The following GRIK1 variants were observed in gnomAD, a reference collection of about 807,000 sequenced individuals.
GRIK1 encodes the protein glutamate ionotropic receptor kainate type subunit 1.
GRIK1 carries 69 observed loss-of-function variants against 105.7 expected under a neutral mutation model. The ratio of observed to expected loss-of-function variants is 0.65; its 90% CI spans 0.54 to 0.80. GRIK1 has a LOEUF of 0.80. Among genes scored for constraint, GRIK1 ranks in the 30% least tolerant of loss-of-function variants. GRIK1 has a pLI of 0.00. For synonymous variants in GRIK1, 438 were observed against 431.3 expected (o/e 1.02, Z -0.19); for missense variants, 1,109 against 1,167.3 (o/e 0.95, Z 0.73).
chr21:29,894,096 T>C (rs575796307), intron 1 of GRIK1, among the ~76,000 whole-genome samples: 1 of 151,996 alleles, frequency 6.6e-6, no homozygotes, highest in Non-Finnish European at 1.5e-5. Flanking sequence ...AGTCACAAAG[T>C]GGATTGATGA....
At chr21:29,616,910 A>G (rs1173246126) in intron 7 of GRIK1, among the ~76,000 whole-genome samples, 1 of 152,242 alleles carries the variant, frequency 6.6e-6, no homozygotes, top group African/African-American at 2.4e-5. Context: ...TTTCAATAAC[A>G]TTACAGTTCA....
chr21:29,677,485 C>T (rs554820339), intron 3 of GRIK1, among the ~76,000 whole-genome samples: 9 of 151,914 alleles, frequency 5.9e-5, no homozygotes, highest in Admixed American at 4.6e-4. Flanking sequence ...TTGCTTTGGC[C>T]GCCTGTCTAC....
intron 3 of GRIK1, among the ~76,000 whole-genome samples, chr21:29,680,520 T>C (rs1568967876): frequency 1.3e-5 from 2 of 152,262 alleles, no homozygotes; most frequent in African/African-American, 4.8e-5. Context: ...ACTCCTACTA[T>C]TCTTCAAGAG....
chr21:29,720,467 T>C (rs2064291460), intron 1 of GRIK1, among the ~76,000 whole-genome samples: 1 of 152,112 alleles, frequency 6.6e-6, no homozygotes, highest in Admixed American at 6.5e-5. Context: ...AGTTAAGTGA[T>C]AGAGCAACCA....
intron 16 of GRIK1, among the ~76,000 whole-genome samples, chr21:29,539,064 CAT>C (rs952281690): frequency 4.6e-5 from 7 of 151,872 alleles, no homozygotes; most frequent in Non-Finnish European, 1.0e-4. Context: ...AATACAGAAA[CAT>C]AAAAACTCAT....
intron 3 of GRIK1, among the ~76,000 whole-genome samples, chr21:29,679,539 C>G (rs981325646): frequency 2.0e-5 from 3 of 152,162 alleles, no homozygotes; most frequent in African/African-American, 7.2e-5. Context: ...TGTTCTTACC[C>G]TTATTCAGAT....
intron 1 of GRIK1, among the ~76,000 whole-genome samples, chr21:29,740,335 A>T (rs1163748799): frequency 6.6e-6 from 1 of 151,584 alleles, no homozygotes; most frequent in African/African-American, 2.4e-5. Context: ...CTTCTGCCTC[A>T]GCCTCCCGAG....
At chr21:29,917,929 C>A (rs1199193814) in intron 1 of GRIK1, among the ~76,000 whole-genome samples, 1 of 151,930 alleles carries the variant, frequency 6.6e-6, no homozygotes, top group Non-Finnish European at 1.5e-5. Context: ...TATATGATTT[C>A]TTTAAAACAC....
intron 1 of GRIK1, among the ~76,000 whole-genome samples, chr21:29,698,997 T>G (rs143747009): frequency 2.6e-5 from 4 of 152,348 alleles, no homozygotes; most frequent in African/African-American, 9.6e-5. Flanking sequence ...TTGTCCTGAT[T>G]GCTCCCACTG....
At chr21:29,739,273 G>A (rs2064869029) in intron 1 of GRIK1, among the ~76,000 whole-genome samples, 1 of 152,190 alleles carries the variant, frequency 6.6e-6, no homozygotes, top group Non-Finnish European at 1.5e-5. Context: ...AGATCTGAAT[G>A]TGATGAGAAA....
At chr21:29,615,194 G>A (rs2061820581) in intron 7 of GRIK1, among the ~76,000 whole-genome samples, 2 of 151,656 alleles carry the variant, frequency 1.3e-5, no homozygotes, top group South Asian at 4.1e-4. Flanking sequence ...CCACATCATA[G>A]CAGTCTTGTA....
intron 1 of GRIK1, among the ~76,000 whole-genome samples, chr21:29,934,402 T>G (rs540824967): frequency 1.3e-5 from 2 of 152,310 alleles, no homozygotes; most frequent in Non-Finnish European, 2.9e-5. Context: ...ATGTTAACGT[T>G]AGTCAGGCAC....
chr21:29,658,626 A>G (rs2062901898), intron 4 of GRIK1, among the ~76,000 whole-genome samples: 1 of 152,220 alleles, frequency 6.6e-6, no homozygotes, highest in Admixed American at 6.5e-5. Context: ...ATTGACTTAG[A>G]TTGACAGTTA....
chr21:29,883,088 T>C (rs1437451304), intron 1 of GRIK1, among the ~76,000 whole-genome samples: 1 of 152,062 alleles, frequency 6.6e-6, no homozygotes, highest in Non-Finnish European at 1.5e-5. Context: ...AGGGACTCAA[T>C]CCAATACTAA....
At chr21:29,560,367 TCCTTCCTTC>T (rs1568813683) in intron 15 of GRIK1, among the ~76,000 whole-genome samples, 69 of 27,902 alleles carry the variant, frequency 2.5e-3, no homozygotes, top group Middle Eastern at 0.015. Context: ...TTTTCTTTCT[TCCTTCCTTC>T]CTTCCTTCCT....
intron 1 of GRIK1, among the ~76,000 whole-genome samples, chr21:29,898,031 G>C (rs915247762): frequency 1.3e-5 from 2 of 152,172 alleles, no homozygotes; most frequent in African/African-American, 4.8e-5. Context: ...ACCAGGCCGA[G>C]TTAAATTTCA....
intron 1 of GRIK1, 70 bp downstream of exon 1, chr21:29,939,313 G>C: frequency 2.2e-6 from 2 of 925,810 alleles, no homozygotes; most frequent in South Asian, 2.9e-5. Context: ...CCTCGCCCGG[G>C]ACCCGCTACA....
At chr21:29,810,538 T>A (rs1340955694) in intron 1 of GRIK1, among the ~76,000 whole-genome samples, 2 of 152,102 alleles carry the variant, frequency 1.3e-5, no homozygotes, top group Non-Finnish European at 2.9e-5. Context: ...TAGTTCCCAT[T>A]TTCCTTCTTT....
In GRIK1 at chr21:29,587,490, A is replaced by G. The variant is rs764995760; in HGVS notation, c.1669T>C (p.Tyr557His). The G allele has an allele frequency of 6.2e-7, 1 of 1,612,712 alleles. No individual in the cohort carries two copies. Among genetic ancestry groups the G allele is most frequent in the African/African-American group, 1.3e-5 (1 of 75,030 alleles). The change falls in exon 12 of 18, where the codon TAC becomes CAC. Residue 557 changes from tyrosine to histidine, a missense_variant. By Grantham distance (83) the Tyr-to-His change is moderately conservative. Transcript: ENST00000327783. ...PFMTLGISILYRKPNGTNPGV... is the reference protein window; with the variant it reads ...PFMTLGISILHRKPNGTNPGV... ...GGATTGGTACCATTGGGCTTCCGGT[A>G]GAGAATGCTGATGCCTAGGGTCATG...
Sources: gnomAD v4.1 joint callset for allele counts (sites outside exome capture counted in the v4.1 genomes callset) on GRCh38, gnomAD v4.1.1 for gene constraint, MANE v1.5 for transcripts, NCBI Gene and HGNC (gene_info 2026-07-23, HGNC 2026-07-21) for gene names.